The following NAV1 variants were observed in gnomAD, a reference collection of about 807,000 sequenced individuals.
The protein encoded by NAV1 is pore membrane and/or filament interacting like protein 3.
A neutral mutation model predicts 175.2 loss-of-function variants in NAV1; 18 were observed. That is an observed-to-expected ratio of 0.10 (90% CI 0.07 to 0.15). The LOEUF is 0.15. NAV1 is among the 10% of genes least tolerant of loss of function. NAV1 has a pLI of 1.00. For synonymous variants in NAV1, 897 were observed against 978.7 expected, an observed-to-expected ratio of 0.92 and a Z score of 1.56; for missense variants, 1,731 against 2,436.6, an observed-to-expected ratio of 0.71 and a Z score of 6.10.
chr1:201,557,573 C>G (rs888329958), intron 1 of NAV1, among the ~76,000 whole-genome samples: 1 of 152,204 alleles, frequency 6.6e-6, no homozygotes, highest in African/African-American at 2.4e-5. Flanking sequence ...CTACCACCTC[C>G]AAATTAGCAC....
Position 201,717,507 on chromosome 1 carries a change from C to T in NAV1, c.861-883C>T, listed in dbSNP as rs79869030. On this transcript the variant is annotated intron_variant, in intron 2 of 29. Coordinates refer to ENST00000367296, the Ensembl canonical transcript of NAV1. The stretch of plus-strand genomic sequence containing the variant: ...TTTCCTCTCTGCAGCCCGCCTGGCC[C>T]TATCTCCTTCCCTAGTCCCCCAGGT... Among the ~76,000 whole-genome samples, 547 of 152,356 alleles carry T rather than the reference C, an allele frequency of 3.6e-3. 1 individual carries two copies. Among genetic ancestry groups the T allele is most frequent in the African/African-American group, 0.012 (508 of 41,582 alleles).
intron 1 of NAV1, among the ~76,000 whole-genome samples, chr1:201,579,025 C>T (rs185795719): frequency 8.6e-5 from 13 of 151,834 alleles, no homozygotes; most frequent in Middle Eastern, 6.8e-3. Flanking sequence ...CCCAGCTACT[C>T]GGGAGGCTGA....
chr1:201,712,935 A>C lies in NAV1; in HGVS notation c.860+16A>C. The C allele has an allele frequency of 6.3e-7, 1 of 1,589,546 alleles. No individual in the cohort carries two copies. The highest frequency in any genetic ancestry group is 8.6e-7 in the Non-Finnish European group (1 of 1,157,720). On this transcript the variant is annotated intron_variant, in intron 2 of 29. Coordinates refer to ENST00000367296, the Ensembl canonical transcript of NAV1. The stretch of plus-strand genomic sequence containing the variant: ...TGACTCACAGGTAAGCTCGAGCTGC[A>C]GAGAGGGTCATGCCCTCTGCCTTCC...
chr1:201,568,571 G>A (rs1003109539), intron 1 of NAV1, among the ~76,000 whole-genome samples: 6 of 152,134 alleles, frequency 3.9e-5, no homozygotes, highest in Admixed American at 2.0e-4. Flanking sequence ...CCAGGCAGAC[G>A]TGAGTTTGAT....
chr1:201,683,378 C>T (rs1046420074), intron 1 of NAV1, among the ~76,000 whole-genome samples: 11 of 152,080 alleles, frequency 7.2e-5, no homozygotes, highest in African/African-American at 1.4e-4. Context: ...AATTTTTCCA[C>T]GGACAGGGGT....
intron 1 of NAV1, among the ~76,000 whole-genome samples, chr1:201,557,515 T>G (rs550706768): frequency 6.6e-6 from 1 of 152,228 alleles, no homozygotes; most frequent in South Asian, 2.1e-4. Flanking sequence ...GGGCTAGTCT[T>G]AGAGAGAATT....
chr1:201,749,398 C>T (rs1339966232), intron 3 of NAV1, among the ~76,000 whole-genome samples: 1 of 152,202 alleles, frequency 6.6e-6, no homozygotes, highest in Non-Finnish European at 1.5e-5. Flanking sequence ...TTTTGTCTTT[C>T]CAAAATGGTT....
rs184202568 is a variant in NAV1 at position 201,738,510 on chromosome 1, C to T, written c.1226+19755C>T. Among the ~76,000 whole-genome samples, 7 of 152,258 alleles carry T rather than the reference C, an allele frequency of 4.6e-5. No individual in the cohort carries two copies. In the East Asian group the frequency reaches 1.4e-3, roughly 29 times the overall value. On this transcript the variant is annotated intron_variant, in intron 3 of 29. Transcript: ENST00000367296. ...AGGGGCTGTACAGTTACCCAAAGTG[C>T]ATTGACCTGTGGGCCGAAAATAGTA...
intron 1 of NAV1, among the ~76,000 whole-genome samples, chr1:201,583,622 G>A (rs1314690740): frequency 6.6e-6 from 1 of 152,176 alleles, no homozygotes; most frequent in African/African-American, 2.4e-5. Context: ...GGTGTCCTTG[G>A]GCAAACAATT....
chr1:201,765,648 G>T (rs953830094), intron 3 of NAV1, among the ~76,000 whole-genome samples: 1 of 152,040 alleles, frequency 6.6e-6, no homozygotes. Context: ...GCCCACTTTA[G>T]CCTCCCAAAG....
At chr1:201,589,519 C>A (rs1254101863) in intron 2 of NAV1, among the ~76,000 whole-genome samples, 1 of 152,020 alleles carries the variant, frequency 6.6e-6, no homozygotes, top group African/African-American at 2.4e-5. Flanking sequence ...TGAGAAGAGG[C>A]CTTACTCAGT....
At chr1:201,759,853 A>T (rs1457739158) in intron 3 of NAV1, among the ~76,000 whole-genome samples, 1 of 152,216 alleles carries the variant, frequency 6.6e-6, no homozygotes, top group African/African-American at 2.4e-5. Flanking sequence ...TAATGATATC[A>T]GGGTGCTAGT....
chr1:201,752,175 C>T lies in NAV1; in HGVS notation c.1227-28246C>T, dbSNP rs78065585. Among the ~76,000 whole-genome samples, 351 of 152,038 alleles carry T rather than the reference C, an allele frequency of 2.3e-3. 1 individual carries two copies. Among genetic ancestry groups the T allele is most frequent in the Non-Finnish European group, 4.3e-3 (292 of 67,974 alleles). On this transcript the variant is annotated intron_variant, in intron 3 of 29. Coordinates refer to ENST00000367296, the Ensembl canonical transcript of NAV1. ...AACTAAATGACTTAAGATAAGAAGGCGGTTAATTCTGAAATAAAGATGAAG... is the reference window on the plus strand; with the variant it reads ...AACTAAATGACTTAAGATAAGAAGGTGGTTAATTCTGAAATAAAGATGAAG...
chr1:201,543,137 C>T (rs2102443307), intron 1 of NAV1, among the ~76,000 whole-genome samples: 1 of 152,280 alleles, frequency 6.6e-6, no homozygotes, highest in East Asian at 1.9e-4. Flanking sequence ...TGCCTAATTG[C>T]TCTGGCTAGA....
intron 15 of NAV1, among the ~76,000 whole-genome samples, chr1:201,802,116 G>A (rs1303750563): frequency 2.8e-5 from 2 of 71,906 alleles, no homozygotes; most frequent in African/African-American, 3.7e-5. Context: ...CAGCCTGGGC[G>A]ACAGAGCGAG....
At chr1:201,667,344 C>T (rs1669864115) in intron 1 of NAV1, among the ~76,000 whole-genome samples, 1 of 152,164 alleles carries the variant, frequency 6.6e-6, no homozygotes, top group East Asian at 1.9e-4. Context: ...AGTGCTGTTC[C>T]CACCCTGGCA....
At chr1:201,707,572 G>A (rs1671722459) in intron 1 of NAV1, among the ~76,000 whole-genome samples, 1 of 152,198 alleles carries the variant, frequency 6.6e-6, no homozygotes, top group African/African-American at 2.4e-5. Context: ...CTACATCACT[G>A]TCAGTTTTGC....
intron 3 of NAV1, among the ~76,000 whole-genome samples, chr1:201,742,367 C>T (rs1021070696): frequency 2.0e-5 from 3 of 152,164 alleles, no homozygotes; most frequent in Admixed American, 2.0e-4. Flanking sequence ...CCATGACCAG[C>T]TCTTGATGAG....
Position 201,808,159 on chromosome 1 carries a change from C to T in NAV1, c.3845+10C>T, listed in dbSNP as rs558059721. The T allele has an allele frequency of 6.2e-7, 1 of 1,613,668 alleles. No individual in the cohort carries two copies. On this transcript the variant is annotated intron_variant, in intron 18 of 29. Transcript: ENST00000367296. The surrounding 1 kb of genome is among the most constrained non-coding windows in gnomAD (Gnocchi z 5.5). ...GCACTGATGTCACCGAGTAAGTGCT[C>T]TTTGGCTCCCTGCCACCCAGCCTGT...
Sources: allele counts gnomAD v4.1 joint callset (sites outside exome capture counted in the v4.1 genomes callset), GRCh38; gene constraint gnomAD v4.1.1; non-coding constraint Gnocchi (gnomAD v3.1); transcripts MANE v1.5; gene names NCBI Gene and HGNC (gene_info 2026-07-23, HGNC 2026-07-21).